The following CSMD1 variants were observed in gnomAD, a reference collection of about 807,000 sequenced individuals.
The protein encoded by CSMD1 is CUB and Sushi multiple domains 1.
Under a neutral mutation model 417.5 loss-of-function variants are expected in CSMD1, and 213 were observed. The ratio of observed to expected loss-of-function variants is 0.51; its 90% CI spans 0.46 to 0.57. CSMD1 has a LOEUF of 0.57. CSMD1 is among the 20% of genes least tolerant of loss of function. The probability of loss-of-function intolerance (pLI) is 0.00; values close to 1 mark genes in which losing one functional copy is unlikely to be tolerated. For missense variants in CSMD1, 6,923 were observed against 4,529.7 expected (o/e 1.53, Z -15.17); for synonymous variants, 2,862 against 1,736.8 (o/e 1.65, Z -16.11).
At chr8:4,657,245 G>A (rs1233439181) in intron 1 of CSMD1, among the ~76,000 whole-genome samples, 1 of 152,174 alleles carries the variant, frequency 6.6e-6, no homozygotes, top group African/African-American at 2.4e-5. Flanking sequence ...TAGTTTCAGT[G>A]CAAACAAGAA....
At chr8:3,061,626 C>A (rs1282317582) in intron 49 of CSMD1, among the ~76,000 whole-genome samples, 2 of 152,102 alleles carry the variant, frequency 1.3e-5, no homozygotes, top group African/African-American at 2.4e-5. Context: ...GATCCATATA[C>A]AATAAAGCAC....
chr8:4,351,561 G>C (rs559126398), intron 3 of CSMD1, among the ~76,000 whole-genome samples: 3 of 152,296 alleles, frequency 2.0e-5, no homozygotes, highest in East Asian at 3.9e-4. Flanking sequence ...GGTCAGTTTG[G>C]CTTTAAAATG....
intron 26 of CSMD1, among the ~76,000 whole-genome samples, chr8:3,269,612 G>C (rs1801690006): frequency 6.6e-6 from 1 of 152,172 alleles, no homozygotes; most frequent in African/African-American, 2.4e-5. Context: ...ATGAAACATG[G>C]TTGCAGAGCC....
At chr8:4,836,778 C>T (rs908353880) in intron 1 of CSMD1, among the ~76,000 whole-genome samples, 3 of 151,978 alleles carry the variant, frequency 2.0e-5, no homozygotes, top group African/African-American at 7.2e-5. Context: ...GTCTTGACTC[C>T]TGTGTGGACA....
intron 3 of CSMD1, among the ~76,000 whole-genome samples, chr8:4,083,414 C>T (rs1056167193): frequency 5.9e-5 from 9 of 151,814 alleles, no homozygotes; most frequent in Admixed American, 1.3e-4. Flanking sequence ...AAATGTCTTC[C>T]GCATCACGCC....
chr8:4,089,951 C>T (rs889782168), intron 3 of CSMD1, among the ~76,000 whole-genome samples: 8 of 152,120 alleles, frequency 5.3e-5, no homozygotes, highest in African/African-American at 1.2e-4. Flanking sequence ...TTGTTGAATA[C>T]GTTGCTGACT....
intron 1 of CSMD1, among the ~76,000 whole-genome samples, chr8:4,931,469 GT>G (rs1158466222): frequency 1.3e-5 from 2 of 152,058 alleles, no homozygotes; most frequent in Non-Finnish European, 1.5e-5. Flanking sequence ...CCCACCGTCT[GT>G]CCCAGCAATC....
intron 3 of CSMD1, among the ~76,000 whole-genome samples, chr8:4,340,396 G>C (rs543892250): frequency 2.6e-4 from 39 of 152,190 alleles, no homozygotes; most frequent in African/African-American, 8.2e-4. Flanking sequence ...CTTGACATGA[G>C]TTTGCTTTAC....
intron 1 of CSMD1, among the ~76,000 whole-genome samples, chr8:4,694,360 T>G (rs1025398292): frequency 6.6e-6 from 1 of 152,100 alleles, no homozygotes. Context: ...TTTATTTTTT[T>G]TATTTTTTTG....
At chr8:4,415,096 G>C (rs961576289) in intron 3 of CSMD1, among the ~76,000 whole-genome samples, 2 of 152,126 alleles carry the variant, frequency 1.3e-5, no homozygotes, top group Non-Finnish European at 1.5e-5. Context: ...CACGGAGTAA[G>C]TTTTCTATTG....
chr8:4,572,165 C>T (rs1477530184), intron 2 of CSMD1, among the ~76,000 whole-genome samples: 1 of 152,160 alleles, frequency 6.6e-6, no homozygotes, highest in African/African-American at 2.4e-5. Flanking sequence ...CATCATGGTG[C>T]TATCTGGTTA....
At position 4,602,919 on chromosome 8, in the gene CSMD1, GATT is replaced by G. The variant is rs528492493; in HGVS notation, c.302+34420_302+34422del. 1.9e-3 allele frequency among the ~76,000 whole-genome samples: 286 copies of G among 151,818 alleles called. 4 individuals are homozygous for G. Among genetic ancestry groups the G allele is most frequent in the Admixed American group, 0.016 (238 of 15,238 alleles). ...TAATGATATGATCTAGGTTAAAATA[GATT>G]ATTATGTATGAATGTAACTATAAAA... On this transcript the variant is annotated intron_variant, in intron 2 of 69. Coordinates refer to ENST00000635120, the MANE Select transcript of CSMD1 (RefSeq NM_033225.6).
At chr8:4,248,921 C>G (rs549593604) in intron 3 of CSMD1, among the ~76,000 whole-genome samples, 1 of 152,160 alleles carries the variant, frequency 6.6e-6, no homozygotes. Flanking sequence ...TTGAGAATGC[C>G]TATTTAATGC....
At chr8:4,174,275 G>C (rs757567808) in intron 3 of CSMD1, among the ~76,000 whole-genome samples, 10 of 152,236 alleles carry the variant, frequency 6.6e-5, no homozygotes, top group South Asian at 4.1e-4. Context: ...CAAGAATAGA[G>C]GCTAAGTATT....
intron 5 of CSMD1, among the ~76,000 whole-genome samples, chr8:3,942,812 A>C (rs773833998): frequency 2.0e-5 from 3 of 152,188 alleles, no homozygotes; most frequent in Non-Finnish European, 2.9e-5. Flanking sequence ...TTTTGGCAAT[A>C]CCTAACCATA....
intron 5 of CSMD1, among the ~76,000 whole-genome samples, chr8:3,815,792 C>T (rs1437974586): frequency 6.6e-6 from 1 of 152,002 alleles, no homozygotes; most frequent in Non-Finnish European, 1.5e-5. Context: ...TAGTAGTGAG[C>T]TAGTGAACGG....
intron 3 of CSMD1, among the ~76,000 whole-genome samples, chr8:4,110,230 T>A (rs1431192776): frequency 6.6e-6 from 1 of 152,090 alleles, no homozygotes; most frequent in African/African-American, 2.4e-5. Context: ...TGAAATAAAA[T>A]AAAACAAGAC....
chr8:4,392,730 G>C (rs1258915375), intron 3 of CSMD1, among the ~76,000 whole-genome samples: 2 of 151,798 alleles, frequency 1.3e-5, no homozygotes, highest in African/African-American at 4.8e-5. Flanking sequence ...AGCACTTTGG[G>C]AGGCTGAGGC....
chr8:2,978,237 G>A (rs1054397197), intron 55 of CSMD1, among the ~76,000 whole-genome samples: 1 of 152,316 alleles, frequency 6.6e-6, no homozygotes, highest in Non-Finnish European at 1.5e-5. Context: ...CCTGGGCTGA[G>A]CGAGAGTAAG....
Sources: allele counts gnomAD v4.1 joint callset (sites outside exome capture counted in the v4.1 genomes callset), GRCh38; gene constraint gnomAD v4.1.1; transcripts MANE v1.5; gene names NCBI Gene and HGNC (gene_info 2026-07-23, HGNC 2026-07-21).